Variants in CEP85L observed in about 807,000 individuals in gnomAD.
The protein encoded by CEP85L is centrosomal protein of 85 kDa-like.
In CEP85L, 60 loss-of-function variants were observed where a neutral mutation model predicts 100.3. The observed-to-expected ratio is 0.60, with a 90% CI of 0.49 to 0.74. The LOEUF (loss-of-function observed/expected upper bound fraction) is 0.74. Ranked by LOEUF, CEP85L falls within the 30% of genes least tolerant of loss-of-function variation. The pLI is 0.00. For synonymous variants in CEP85L, 319 were observed against 322.7 expected, an observed-to-expected ratio of 0.99 and a Z score of 0.12; for missense variants, 973 against 936.2, an observed-to-expected ratio of 1.04 and a Z score of -0.51.
chr6:118,584,601 G>T (rs1280074388), intron 2 of CEP85L, among the ~76,000 whole-genome samples: 1 of 152,220 alleles, frequency 6.6e-6, no homozygotes, highest in Non-Finnish European at 1.5e-5. Flanking sequence ...TATCAGAAAA[G>T]AAGGGAATGG....
chr6:118,652,600 C>T (rs1775631058), upstream of CEP85L: 1 of 1,499,602 alleles, frequency 6.7e-7, no homozygotes, highest in Admixed American at 2.1e-5. Context: ...TAACAAAGGC[C>T]TCATATTTGC....
At chr6:118,490,448 T>C (rs1002082254) in intron 6 of CEP85L, among the ~76,000 whole-genome samples, 1 of 152,182 alleles carries the variant, frequency 6.6e-6, no homozygotes, top group Non-Finnish European at 1.5e-5. Flanking sequence ...CTTTGCGCTA[T>C]CAAGAATGGA....
chr6:118,633,672 G>A (rs1362887128), intron 1 of CEP85L, among the ~76,000 whole-genome samples: 1 of 152,040 alleles, frequency 6.6e-6, no homozygotes, highest in Non-Finnish European at 1.5e-5. Context: ...GGATATCAAT[G>A]GACCAGTGCC....
At chr6:118,506,949 C>T (rs1428683754) in intron 5 of CEP85L, among the ~76,000 whole-genome samples, 1 of 152,136 alleles carries the variant, frequency 6.6e-6, no homozygotes, top group Non-Finnish European at 1.5e-5. Context: ...TTCTAAAATG[C>T]TGCTGTTTCC....
At chr6:118,587,973 T>A (rs1469322465) in intron 2 of CEP85L, among the ~76,000 whole-genome samples, 1 of 152,196 alleles carries the variant, frequency 6.6e-6, no homozygotes, top group Non-Finnish European at 1.5e-5. Flanking sequence ...AGGGCTACAT[T>A]TTCTTTGTGG....
At chr6:118,526,942 C>T (rs921794480) in intron 3 of CEP85L, among the ~76,000 whole-genome samples, 1 of 151,614 alleles carries the variant, frequency 6.6e-6, no homozygotes, top group African/African-American at 2.4e-5. Context: ...AATAGCCAAC[C>T]AGCAACCCTC....
chr6:118,705,859 T>C lies in CEP85L; in HGVS notation c.-28+4177A>G, dbSNP rs1021540347. 4.6e-5 allele frequency among the ~76,000 whole-genome samples: 7 copies of C among 152,366 alleles called. No homozygotes were observed. In the South Asian group the frequency reaches 6.2e-4, roughly 14 times the overall value. ...CCAGGAGATTTGAAAAAAAATCTTT[T>C]CACCCTTGCAATACCATAAATAATT... On this transcript the variant is annotated intron_variant, in intron 1 of 13. Coordinates refer to the CEP85L transcript ENST00000368488.
At chr6:118,707,665 T>C (rs1375283024) in intron 1 of CEP85L, among the ~76,000 whole-genome samples, 2 of 152,230 alleles carry the variant, frequency 1.3e-5, no homozygotes, top group East Asian at 1.9e-4. Context: ...GTAGGATACA[T>C]AGAAATTTTT....
At chr6:118,630,027 G>T (rs1481772630) in intron 2 of CEP85L, among the ~76,000 whole-genome samples, 1 of 152,152 alleles carries the variant, frequency 6.6e-6, no homozygotes, top group Non-Finnish European at 1.5e-5. Context: ...TTTTGGAAGG[G>T]ACTGGTTCTG....
chr6:118,692,965 T>C (rs551406461), intron 1 of CEP85L, among the ~76,000 whole-genome samples: 1 of 152,168 alleles, frequency 6.6e-6, no homozygotes, highest in South Asian at 2.1e-4. Flanking sequence ...TATTCTTACC[T>C]CAGATTAGAA....
chr6:118,599,773 T>C (rs1034127786), intron 2 of CEP85L, among the ~76,000 whole-genome samples: 3 of 152,196 alleles, frequency 2.0e-5, no homozygotes, highest in African/African-American at 7.2e-5. Context: ...TCTGTAGTAT[T>C]CTTGCCAAAA....
intron 1 of CEP85L, among the ~76,000 whole-genome samples, chr6:118,662,752 C>T (rs1776017204): frequency 6.6e-6 from 1 of 152,034 alleles, no homozygotes; most frequent in Non-Finnish European, 1.5e-5. Flanking sequence ...ACAATTAAAA[C>T]ATATGGACAT....
At chr6:118,677,336 C>T (rs553134452) in intron 1 of CEP85L, among the ~76,000 whole-genome samples, 72 of 152,034 alleles carry the variant, frequency 4.7e-4, no homozygotes, top group Admixed American at 1.2e-3. Context: ...TTGAGGGTGA[C>T]GTGAGAAGGG....
intron 5 of CEP85L, among the ~76,000 whole-genome samples, chr6:118,498,022 C>T (rs1444106901): frequency 6.6e-6 from 1 of 152,090 alleles, no homozygotes; most frequent in Non-Finnish European, 1.5e-5. Flanking sequence ...AAGTATTTTG[C>T]TATTATATGG....
chr6:118,645,973 CT>C (rs2115366620), intron 1 of CEP85L, among the ~76,000 whole-genome samples: 1 of 152,172 alleles, frequency 6.6e-6, no homozygotes, highest in South Asian at 2.1e-4. Context: ...AATCCCAGCA[CT>C]TTGGGAGGCC....
intron 1 of CEP85L, among the ~76,000 whole-genome samples, chr6:118,676,636 T>C (rs1339025908): frequency 3.3e-5 from 5 of 152,256 alleles, no homozygotes; most frequent in Non-Finnish European, 7.3e-5. Flanking sequence ...TGAATAGTGC[T>C]ACAATGAACA....
intron 10 of CEP85L, among the ~76,000 whole-genome samples, chr6:118,479,421 G>T (rs1366946848): frequency 6.6e-6 from 1 of 152,098 alleles, no homozygotes; most frequent in Non-Finnish European, 1.5e-5. Context: ...AAGGGCACTT[G>T]TTGCTCCCTT....
intron 2 of CEP85L, among the ~76,000 whole-genome samples, chr6:118,617,941 A>G (rs140717515): frequency 9.2e-5 from 14 of 152,284 alleles, no homozygotes; most frequent in African/African-American, 3.4e-4. Context: ...TCAGCCAGTT[A>G]AAGGCGATTA....
intron 5 of CEP85L, 90 bp downstream of exon 5, chr6:118,511,208 T>G: frequency 1.2e-6 from 1 of 805,764 alleles, no homozygotes; most frequent in Middle Eastern, 2.3e-4. Flanking sequence ...ATTATTAAGT[T>G]GATTTAAAAT....
Sources: gnomAD v4.1 joint callset for allele counts (sites outside exome capture counted in the v4.1 genomes callset) on GRCh38, gnomAD v4.1.1 for gene constraint, MANE v1.5 for transcripts, NCBI Gene and HGNC (gene_info 2026-07-23, HGNC 2026-07-21) for gene names.